DEPTOR: variants seen among roughly 807,000 people sequenced by gnomAD.
DEPTOR encodes DEP domain containing MTOR interacting protein, also known as DEP domain-containing mTOR-interacting protein.
A neutral mutation model predicts 41.6 loss-of-function variants in DEPTOR; 41 were observed. The ratio of observed to expected loss-of-function variants is 0.98; its 90% CI spans 0.77 to 1.28. The LOEUF is 1.28. DEPTOR is among the 50% of genes most tolerant of loss of function. The probability of loss-of-function intolerance (pLI) is 0.00; values close to 1 mark genes in which losing one functional copy is unlikely to be tolerated. For missense variants in DEPTOR, 514 were observed against 527.9 expected (o/e 0.97, Z 0.26); for synonymous variants, 195 against 192.3 (o/e 1.01, Z -0.12).
chr8:119,959,456 C>T (rs373407404), intron 3 of DEPTOR, among the ~76,000 whole-genome samples: 19 of 152,098 alleles, frequency 1.2e-4, no homozygotes, highest in East Asian at 5.8e-4. Context: ...CCACTGCGCC[C>T]GGCCACCTGT....
Position 119,929,805 on chromosome 8 carries a change from T to A in DEPTOR, c.302-10T>A, listed in dbSNP as rs755175384. ...TTCTCATTTGCTTCTCTGTGCATATTGTGTTTCAGTGTGTGATGAGCATAA... is the reference window on the plus strand; with the variant it reads ...TTCTCATTTGCTTCTCTGTGCATATAGTGTTTCAGTGTGTGATGAGCATAA... On this transcript the variant is annotated splice_polypyrimidine_tract_variant and intron_variant, in intron 2 of 8. Coordinates refer to ENST00000286234, the MANE Select transcript of DEPTOR (RefSeq NM_022783.4). 1 of 1,598,952 alleles carries A rather than the reference T, an allele frequency of 6.3e-7. No individual in the cohort carries two copies. Among genetic ancestry groups the A allele is most frequent in the Admixed American group, 1.7e-5 (1 of 58,716 alleles).
In DEPTOR at chr8:120,003,029, G is replaced by T. The variant is rs370915082; in HGVS notation, c.843G>T (p.Met281Ile). 8.0e-5 allele frequency: 128 copies of T among 1,608,174 alleles called. No homozygotes were observed. The highest frequency in any genetic ancestry group is 6.7e-5 in the Non-Finnish European group (79 of 1,177,666). The change falls in exon 6 of 9, where the codon ATG (methionine) becomes ATT (isoleucine). Residue 281 changes from methionine (M) to isoleucine (I), a missense_variant. Met to Ile is a conservative substitution (Grantham distance 10). Coordinates refer to ENST00000286234, the MANE Select transcript of DEPTOR (RefSeq NM_022783.4). ...TGTCTGCAGTGAGGAGAAGCAGCATGAGCAGCTGTGGCAGCAGCGGCTACT... is the reference window on the plus strand; with the variant it reads ...TGTCTGCAGTGAGGAGAAGCAGCATTAGCAGCTGTGGCAGCAGCGGCTACT... ...KIVSAVRRSSMSSCGSSGYFS... is the reference protein window; with the variant it reads ...KIVSAVRRSSISSCGSSGYFS...
At chr8:119,964,797 T>G (rs1256635235) in intron 3 of DEPTOR, among the ~76,000 whole-genome samples, 1 of 152,016 alleles carries the variant, frequency 6.6e-6, no homozygotes, top group Non-Finnish European at 1.5e-5. Flanking sequence ...AGAAATTACA[T>G]GTGTGGTAGG....
At chr8:119,887,127 T>TCCCCCCCCCCCC (rs1563956948) in intron 1 of DEPTOR, among the ~76,000 whole-genome samples, 1 of 5,798 alleles carries the variant, frequency 1.7e-4, no homozygotes, top group African/African-American at 7.5e-4. Context: ...CCCCCTCCCC[T>TCCCCCCCCCCCC]CCCCCCCCCC....
At chr8:120,030,499 T>TG in intron 8 of DEPTOR, among the ~76,000 whole-genome samples, 1 of 74,566 alleles carries the variant, frequency 1.3e-5, no homozygotes, top group South Asian at 4.8e-4. Context: ...GTTCATCAGT[T>TG]TTTTTTTTTT....
rs572010128 is a variant in DEPTOR, at chr8:120,014,172, G to A, written c.1101+5039G>A. Reference sequence around the variant, plus strand: ...TTTGGCACTACAATTCTAGAATGGAGCATGAAATATGGAAATCATCAAAAG... The same window carrying A: ...TTTGGCACTACAATTCTAGAATGGAACATGAAATATGGAAATCATCAAAAG... On this transcript the variant is annotated intron_variant, in intron 8 of 8. Transcript: ENST00000286234. Among the ~76,000 whole-genome samples, 13 of 152,304 alleles carry A rather than the reference G, an allele frequency of 8.5e-5. No individual in the cohort carries two copies. In the South Asian group the frequency reaches 2.7e-3, roughly 32 times the overall value.
At chr8:120,030,919 G>A (rs1427518429) in intron 8 of DEPTOR, among the ~76,000 whole-genome samples, 1 of 152,064 alleles carries the variant, frequency 6.6e-6, no homozygotes, top group African/African-American at 2.4e-5. Context: ...ACTCAGGTAG[G>A]GGGTGTTGAT....
At position 120,027,234 on chromosome 8, in the gene DEPTOR, A is replaced by AAATAACAATAATAAT. The variant is rs1554586788; in HGVS notation, c.1101+18106_1101+18107insCAATAATAATAATAA. ...ACTCCATCTCAAAAAAATAAAAATA[A>AAATAACAATAATAAT]AATAATAATAATAATAATAATAATA... On this transcript the variant is annotated intron_variant, in intron 8 of 8. Transcript: ENST00000286234. 1.7e-4 allele frequency among the ~76,000 whole-genome samples: 25 copies of AAATAACAATAATAAT among 145,108 alleles called. 1 individual carries two copies. The highest frequency in any genetic ancestry group is 5.5e-4 in the African/African-American group (22 of 39,812).
At chr8:120,047,067 A>T (rs1357618761) in intron 8 of DEPTOR, among the ~76,000 whole-genome samples, 3 of 152,166 alleles carry the variant, frequency 2.0e-5, no homozygotes, top group Non-Finnish European at 4.4e-5. Context: ...TTTGTTGCCC[A>T]GGCTAGAGTG....
intron 6 of DEPTOR, among the ~76,000 whole-genome samples, chr8:120,005,611 G>A (rs1812424819): frequency 6.6e-6 from 1 of 152,186 alleles, no homozygotes; most frequent in Non-Finnish European, 1.5e-5. Context: ...CCCTTGGCTG[G>A]GGCCTTTTCT....
At chr8:119,928,002 T>C (rs1289346566) in intron 1 of DEPTOR, among the ~76,000 whole-genome samples, 1 of 152,184 alleles carries the variant, frequency 6.6e-6, no homozygotes, top group Non-Finnish European at 1.5e-5. Flanking sequence ...GGGTGGGCCC[T>C]GAACAATTTG....
rs1437228197 is a variant in DEPTOR, at chr8:119,984,957, C to A, written c.605-16568C>A. 3.3e-5 allele frequency among the ~76,000 whole-genome samples: 5 copies of A among 152,144 alleles called. No individual in the cohort carries two copies. The East Asian group carries it at 9.7e-4, about 29-fold the overall frequency. ...ATTCCAGCACTTTGGGAGGCCAAGG[C>A]AGGCGGATCATGAGGTCAGGAGTTT... On this transcript the variant is annotated intron_variant, in intron 4 of 8. Coordinates refer to ENST00000286234, the MANE Select transcript of DEPTOR (RefSeq NM_022783.4).
At chr8:119,968,922 C>A (rs578029588) in intron 4 of DEPTOR, among the ~76,000 whole-genome samples, 2 of 151,900 alleles carry the variant, frequency 1.3e-5, no homozygotes, top group African/African-American at 4.8e-5. Flanking sequence ...TGTGAAACCC[C>A]GTCTCTACTA....
At chr8:119,962,247 ACT>A (rs1828503373) in intron 3 of DEPTOR, among the ~76,000 whole-genome samples, 1 of 152,062 alleles carries the variant, frequency 6.6e-6, no homozygotes, top group Non-Finnish European at 1.5e-5. Context: ...ACAGAGCAAG[ACT>A]CTGTCTCAAA....
At chr8:119,985,987 C>T (rs564192845) in intron 4 of DEPTOR, among the ~76,000 whole-genome samples, 1 of 151,842 alleles carries the variant, frequency 6.6e-6, no homozygotes, top group East Asian at 1.9e-4. Context: ...ATCCAATTTG[C>T]CAGTCTGTAT....
intron 7 of DEPTOR, among the ~76,000 whole-genome samples, chr8:120,008,719 T>C (rs975182207): frequency 3.7e-4 from 56 of 152,150 alleles, no homozygotes; most frequent in Admixed American, 3.3e-4. Flanking sequence ...AAACCTTCTA[T>C]TGGAGTCTGA....
chr8:120,004,069 G>T (rs1563589092), intron 6 of DEPTOR, among the ~76,000 whole-genome samples: 1 of 152,144 alleles, frequency 6.6e-6, no homozygotes, highest in Non-Finnish European at 1.5e-5. Flanking sequence ...AGATCTTGGG[G>T]ATACAAAGAT....
chr8:119,904,780 G>A (rs1472358878), intron 1 of DEPTOR, among the ~76,000 whole-genome samples: 1 of 151,784 alleles, frequency 6.6e-6, no homozygotes, highest in Non-Finnish European at 1.5e-5. Context: ...ACAGGCATGA[G>A]CCATTTTGCA....
intron 1 of DEPTOR, among the ~76,000 whole-genome samples, chr8:119,896,750 G>A (rs1042316110): frequency 3.3e-5 from 5 of 151,996 alleles, no homozygotes; most frequent in Non-Finnish European, 7.4e-5. Flanking sequence ...CTCCTGCCTC[G>A]GCCCCGCAAA....
Sources: allele counts gnomAD v4.1 joint callset (sites outside exome capture counted in the v4.1 genomes callset), GRCh38; gene constraint gnomAD v4.1.1; transcripts MANE v1.5; gene names NCBI Gene and HGNC (gene_info 2026-07-23, HGNC 2026-07-21).